Variants in VPS4A observed in about 807,000 individuals in gnomAD.
VPS4A encodes the protein vacuolar protein sorting-associated protein 4A.
VPS4A carries 20 observed loss-of-function variants against 52.3 expected under a neutral mutation model. The observed-to-expected ratio is 0.38, with a 90% CI of 0.27 to 0.56. The LOEUF (loss-of-function observed/expected upper bound fraction) is 0.56, where lower values mean the gene tolerates loss of function less well. Ranked by LOEUF, VPS4A falls within the 20% of genes least tolerant of loss-of-function variation. The pLI is 0.72. For missense variants in VPS4A, 419 were observed against 575.9 expected (o/e 0.73, Z 2.79); for synonymous variants, 293 against 227.7 (o/e 1.29, Z -2.58).
chr16:69,314,461 C>A (rs1303357254), intron 1 of VPS4A, among the ~76,000 whole-genome samples: 1 of 152,020 alleles, frequency 6.6e-6, no homozygotes, highest in South Asian at 2.1e-4. Flanking sequence ...GGGAGAGGAG[C>A]GCTGCCTTCC....
In VPS4A at chr16:69,311,356, G is replaced by A. The variant is rs1010544070; in HGVS notation, c.-156G>A. On this transcript the variant is annotated 5_prime_UTR_variant, in exon 1 of 11. Coordinates refer to ENST00000254950, the MANE Select transcript of VPS4A (RefSeq NM_013245.3). ...TGGGCTGCGCTCCTCGCTTGCCCTC[G>A]GACTCGGCTCCCGCTGCGAGCGGCC... is the stretch of plus-strand genomic sequence containing the variant. 1.3e-6 allele frequency: 1 copy of A among 789,572 alleles called. No individual in the cohort carries two copies. Among genetic ancestry groups the A allele is most frequent in the Admixed American group, 4.6e-5 (1 of 21,704 alleles). The allele number at this position is 789,572 out of a possible 1,614,324, so 48.9% of individuals were successfully genotyped here. A position where few individuals can be genotyped will look rare whatever the true frequency, so the allele number is the denominator to read the frequency against.
In VPS4A at chr16:69,316,196, CAG is replaced by C. The variant is rs763625531; in HGVS notation, c.134-28_134-27del. 5 of 1,612,828 alleles carry C rather than the reference CAG, an allele frequency of 3.1e-6. No individual in the cohort carries two copies. The East Asian group carries it at 6.7e-5, about 22-fold the overall frequency. ...GAGAGGGGGTGGCGCACGAGCCTCA[CAG>C]GGGCCCCTCTGTGTTCCCTTTCACA... On this transcript the variant is annotated intron_variant, in intron 2 of 10. Transcript: ENST00000254950.
rs752525305 is a variant in VPS4A at position 69,325,506 on chromosome 16, C to T, written c.*1197C>T. 6.6e-5 allele frequency: 10 copies of T among 151,666 alleles called. No homozygotes were observed. Among genetic ancestry groups the T allele is most frequent in the African/African-American group, 1.2e-4 (5 of 41,380 alleles). The allele number at this position is 151,666 out of a possible 1,614,324, so 9.4% of individuals were successfully genotyped here. On this transcript the variant is annotated 3_prime_UTR_variant, in exon 11 of 11. Transcript: ENST00000254950. ...ATCCCAGCACTTTGGGAGGCCGACG[C>T]GGGCGGATCACAAGGTCAGGAAATC...
At chr16:69,318,452 T>TG (rs1014061257) in intron 3 of VPS4A, among the ~76,000 whole-genome samples, 198 bp from the exon 4 acceptor site, 28 of 152,292 alleles carry the variant, frequency 1.8e-4, no homozygotes, top group Non-Finnish European at 2.8e-4. Context: ...GAGTGTTTGC[T>TG]GGGGGGGTCC....
chr16:69,324,077 TTC>T, intron 10 of VPS4A, 129 bp from the exon 11 acceptor site: 2 of 811,772 alleles, frequency 2.5e-6, no homozygotes, highest in Non-Finnish European at 3.9e-6. Context: ...CATAGGCAGA[TTC>T]AAGCAGGCCT....
intron 10 of VPS4A, chr16:69,323,456 G>A: frequency 3.0e-6 from 1 of 337,346 alleles, no homozygotes; most frequent in Non-Finnish European, 5.9e-6. Context: ...CACCTAGCCT[G>A]CATTTTATAT....
At position 69,317,030 on chromosome 16, in the gene VPS4A, G is replaced by A. The variant is rs761641484; in HGVS notation, c.281+658G>A. ...TGGTGGTATCTCGGAGGCGTGGGAG[G>A]GGAAGTGAGGGGGTCCCCCAGGCAG... On this transcript the variant is annotated intron_variant, in intron 3 of 10. Coordinates refer to ENST00000254950, the MANE Select transcript of VPS4A (RefSeq NM_013245.3). Among the ~76,000 whole-genome samples the A allele has an allele frequency of 1.2e-4, 18 of 152,224 alleles. No homozygotes were observed. The East Asian group carries it at 2.9e-3, about 25-fold the overall frequency.
At position 69,326,768 on chromosome 16, in the gene VPS4A, G is replaced by C. The variant is rs550436149; in HGVS notation, c.*2459G>C. ...TGCTCTGAAATTCACTTCTCTGCCT[G>C]GGGATTCTGTTATAAACCTTCTGCC... is the stretch of plus-strand genomic sequence containing the variant. On this transcript the variant is annotated 3_prime_UTR_variant, in exon 11 of 11. Coordinates refer to ENST00000254950, the MANE Select transcript of VPS4A (RefSeq NM_013245.3). 1.3e-5 allele frequency: 2 copies of C among 152,308 alleles called. No homozygotes were observed. Among genetic ancestry groups the C allele is most frequent in the East Asian group, 3.9e-4 (2 of 5,190 alleles). 9.4% of individuals were successfully genotyped at this position (152,308 alleles called of 1,614,324 possible).
intron 1 of VPS4A, among the ~76,000 whole-genome samples, 156 bp downstream of exon 1, chr16:69,311,688 G>A (rs1965379863): frequency 6.6e-6 from 1 of 152,044 alleles, no homozygotes; most frequent in Non-Finnish European, 1.5e-5. Context: ...GCCCGTGTCT[G>A]TTTCCACGCG....
Position 69,320,947 on chromosome 16 carries a change from G to C in VPS4A, c.852-104G>C. 7.7e-7 allele frequency: 1 copy of C among 1,294,560 alleles called. No homozygotes were observed. The highest frequency in any genetic ancestry group is 1.5e-5 in the African/African-American group (1 of 68,020). 80.2% of individuals were successfully genotyped at this position (1,294,560 alleles called of 1,614,324 possible). A position where few individuals can be genotyped will look rare whatever the true frequency, so the allele number is the denominator to read the frequency against. On this transcript the variant is annotated intron_variant, in intron 8 of 10. Coordinates refer to ENST00000254950, the MANE Select transcript of VPS4A (RefSeq NM_013245.3). The surrounding 1 kb of genome is among the most constrained non-coding windows in gnomAD (Gnocchi z 4.2). ...TTGAGGATGTGCCGCCAGCATCACT[G>C]GCCCATGAAATGCGTCCGTTTCACT...
At chr16:69,313,523 GC>G (rs1430317714) in intron 1 of VPS4A, among the ~76,000 whole-genome samples, 2 of 151,958 alleles carry the variant, frequency 1.3e-5, no homozygotes, top group Non-Finnish European at 1.5e-5. Context: ...GTCCTTTGTG[GC>G]TAGCTTCTTT....
At position 69,320,946 on chromosome 16, in the gene VPS4A, T is replaced by C. The variant is rs1965502117; in HGVS notation, c.852-105T>C. 12 of 1,293,100 alleles carry C rather than the reference T, an allele frequency of 9.3e-6. No homozygotes were observed. Among genetic ancestry groups the C allele is most frequent in the Non-Finnish European group, 1.2e-5 (11 of 923,182 alleles). 80.1% of individuals were successfully genotyped at this position (1,293,100 alleles called of 1,614,324 possible). A position where few individuals can be genotyped will look rare whatever the true frequency, so the allele number is the denominator to read the frequency against. On this transcript the variant is annotated intron_variant, in intron 8 of 10. Coordinates refer to ENST00000254950, the MANE Select transcript of VPS4A (RefSeq NM_013245.3). This position sits in a 1 kb window ranked among gnomAD's most constrained non-coding sequence, Gnocchi z 4.2. ...GTTGAGGATGTGCCGCCAGCATCAC[T>C]GGCCCATGAAATGCGTCCGTTTCAC...
In VPS4A at chr16:69,311,464, G is replaced by C; in HGVS notation, c.-48G>C. On this transcript the variant is annotated 5_prime_UTR_variant, in exon 1 of 11. Transcript: ENST00000254950. ...TACCTCGGCTCCCCGGGGCCGGACC[G>C]AGGCCGCAAGCAGCGCCGCGGGGTG... 1 of 1,283,918 alleles carries C rather than the reference G, an allele frequency of 7.8e-7. No individual in the cohort carries two copies. The highest frequency in any genetic ancestry group is 1.0e-6 in the Non-Finnish European group (1 of 1,004,782). 79.5% of individuals were successfully genotyped at this position (1,283,918 alleles called of 1,614,324 possible).
At position 69,320,176 on chromosome 16, in the gene VPS4A, A is replaced by G. The variant is rs770050243; in HGVS notation, c.656A>G (p.His219Arg). ...VKNLFELARQHKPSIIFIDEV... is the reference protein window; with the variant it reads ...VKNLFELARQRKPSIIFIDEV... Reference sequence around the variant, plus strand: ...AACCTGTTTGAGCTGGCCAGGCAGCACAAGCCCTCCATCATCTTCATCGAT... The same window carrying G: ...AACCTGTTTGAGCTGGCCAGGCAGCGCAAGCCCTCCATCATCTTCATCGAT... Residue 219 changes from histidine to arginine, a missense_variant, in exon 7 of 11, where the codon CAC (histidine) becomes CGC (arginine). His to Arg is a conservative substitution (Grantham distance 29). Transcript: ENST00000254950. The surrounding 1 kb of genome is among the most constrained non-coding windows in gnomAD (Gnocchi z 4.2). 1 of 1,613,908 alleles carries G rather than the reference A, an allele frequency of 6.2e-7. No homozygotes were observed. Among genetic ancestry groups the G allele is most frequent in the East Asian group, 2.2e-5 (1 of 44,856 alleles).
intron 10 of VPS4A, chr16:69,323,096 C>T (rs547997723): frequency 1.2e-5 from 2 of 166,668 alleles, no homozygotes; most frequent in South Asian, 1.5e-4. Flanking sequence ...TCTTCTATGT[C>T]CTGGGCTGTT....
At position 69,321,485 on chromosome 16, in the gene VPS4A, C is replaced by CA. The variant is rs1437949739; in HGVS notation, c.1071+216dup. 11 of 602,140 alleles carry CA rather than the reference C, an allele frequency of 1.8e-5. No individual in the cohort carries two copies. The East Asian group carries it at 3.1e-4, about 17-fold the overall frequency. The allele number at this position is 602,140 out of a possible 1,614,324, so 37.3% of individuals were successfully genotyped here. A position where few individuals can be genotyped will look rare whatever the true frequency, so the allele number is the denominator to read the frequency against. On this transcript the variant is annotated intron_variant, in intron 9 of 10. Transcript: ENST00000254950. This position sits in a 1 kb window ranked among gnomAD's most constrained non-coding sequence, Gnocchi z 4.5. ...GTGGCCATCTCAGGGTGTGTGAAAG[C>CA]AGAGGACAGGGCCACTTTACTGTCT...
chr16:69,318,096 C>T (rs532452061), intron 3 of VPS4A, among the ~76,000 whole-genome samples: 183 of 151,460 alleles, frequency 1.2e-3, no homozygotes, highest in South Asian at 3.3e-3. Context: ...CAACCTCTGC[C>T]TCCCAAGTAG....
At position 69,324,471 on chromosome 16, in the gene VPS4A, T is replaced by C; in HGVS notation, c.*162T>C. The C allele has an allele frequency of 2.8e-6, 2 of 724,564 alleles. No homozygotes were observed. The highest frequency in any genetic ancestry group is 3.4e-5 in the South Asian group (2 of 58,444). 44.9% of individuals were successfully genotyped at this position (724,564 alleles called of 1,614,324 possible). ...GCCAGGGAGCCAGAAGGAAGGGCCT[T>C]GCAGCCACAGAGACACTCCACTGCC... On this transcript the variant is annotated 3_prime_UTR_variant, in exon 11 of 11. Transcript: ENST00000254950.
In VPS4A at chr16:69,320,802, G is replaced by A. The variant is rs931952679; in HGVS notation, c.851+33G>A. 4 of 1,575,518 alleles carry A rather than the reference G, an allele frequency of 2.5e-6. No homozygotes were observed. The African/African-American group carries it at 4.1e-5, about 16-fold the overall frequency. On this transcript the variant is annotated intron_variant, in intron 8 of 10. Coordinates refer to ENST00000254950, the MANE Select transcript of VPS4A (RefSeq NM_013245.3). This position sits in a 1 kb window ranked among gnomAD's most constrained non-coding sequence, Gnocchi z 4.2. ...TTCCCCAGGAGAAGCCAGGGCTGGA[G>A]GCTTCCTCCCACCATGGTCACGGTC... is the stretch of plus-strand genomic sequence containing the variant.
Sources: allele counts gnomAD v4.1 joint callset (sites outside exome capture counted in the v4.1 genomes callset), GRCh38; gene constraint gnomAD v4.1.1; non-coding constraint Gnocchi (gnomAD v3.1); transcripts MANE v1.5; gene names NCBI Gene and HGNC (gene_info 2026-07-23, HGNC 2026-07-21).